The following ANKIB1 variants were observed in gnomAD, a reference collection of about 807,000 sequenced individuals.
ANKIB1 encodes ankyrin repeat and IBR domain-containing protein 1.
A neutral mutation model predicts 122.1 loss-of-function variants in ANKIB1; 43 were observed. The ratio of observed to expected loss-of-function variants is 0.35; its 90% CI spans 0.28 to 0.45. The LOEUF (loss-of-function observed/expected upper bound fraction) is 0.45. Ranked by LOEUF, ANKIB1 falls within the 20% of genes least tolerant of loss-of-function variation. The pLI is 1.00. For synonymous variants in ANKIB1, 390 were observed against 442.0 expected (o/e 0.88, Z 1.48); for missense variants, 992 against 1,329.5 (o/e 0.75, Z 3.95).
chr7:92,359,381 T>A (rs768811073), intron 9 of ANKIB1, among the ~76,000 whole-genome samples: 22 of 152,232 alleles, frequency 1.4e-4, no homozygotes, highest in Admixed American at 2.0e-4. Context: ...TTCATCCACA[T>A]CCCTGCAAAG....
chr7:92,376,774 A>G (rs1304073151), intron 11 of ANKIB1, among the ~76,000 whole-genome samples: 1 of 152,094 alleles, frequency 6.6e-6, no homozygotes, highest in African/African-American at 2.4e-5. Context: ...TATTATGAAG[A>G]TGGCATCTTT....
intron 3 of ANKIB1, among the ~76,000 whole-genome samples, chr7:92,314,452 C>T (rs1255476593): frequency 6.6e-6 from 1 of 152,194 alleles, no homozygotes; most frequent in African/African-American, 2.4e-5. Context: ...AAAGAATCGT[C>T]CTTAGACTGG....
chr7:92,246,787 C>T (rs1029037946), intron 1 of ANKIB1, among the ~76,000 whole-genome samples: 3 of 152,194 alleles, frequency 2.0e-5, no homozygotes, highest in African/African-American at 7.2e-5. Flanking sequence ...CCTTGTCCCT[C>T]TGTCCTCAAA....
chr7:92,327,787 A>G lies in ANKIB1; in HGVS notation c.674A>G (p.Tyr225Cys). The change falls in exon 5 of 20, where the codon TAT becomes TGT. Residue 225 changes from tyrosine (Y) to cysteine (C), a missense_variant. By Grantham distance (194) the Tyr-to-Cys change is radical. Around this residue, in one of 4 missense-constraint regions of ANKIB1, gnomAD observed 521 missense variants for 777.7 expected, o/e 0.67. Transcript: ENST00000265742. ...TTATTTTTTTTCTTTTCAAAGCCATATGAAGGATTAAGGCCTCAGGATCTT... is the reference window on the plus strand; with the variant it reads ...TTATTTTTTTTCTTTTCAAAGCCATGTGAAGGATTAAGGCCTCAGGATCTT... ...EYAALDKREP[Y>C]EGLRPQDLRR... 3 of 1,556,692 alleles carry G rather than the reference A, an allele frequency of 1.9e-6. No homozygotes were observed. Among genetic ancestry groups the G allele is most frequent in the South Asian group, 1.2e-5 (1 of 81,120 alleles).
At chr7:92,319,669 C>T in intron 4 of ANKIB1, 157 bp downstream of exon 4, 2 of 745,818 alleles carry the variant, frequency 2.7e-6, no homozygotes, top group South Asian at 4.3e-5. Flanking sequence ...AAAAATACAT[C>T]TAGGCCAACC....
intron 1 of ANKIB1, among the ~76,000 whole-genome samples, chr7:92,264,533 G>A (rs747522671): frequency 1.3e-4 from 19 of 151,978 alleles, no homozygotes; most frequent in Non-Finnish European, 2.5e-4. Flanking sequence ...GAGTAGGTGG[G>A]ACTATAGGTG....
intron 18 of ANKIB1, among the ~76,000 whole-genome samples, chr7:92,396,983 A>G (rs1040787013): frequency 1.3e-5 from 2 of 152,216 alleles, no homozygotes; most frequent in African/African-American, 4.8e-5. Context: ...CAACTTTTAA[A>G]TGTTAAATTA....
At chr7:92,343,383 A>G (rs1219596937) in intron 6 of ANKIB1, among the ~76,000 whole-genome samples, 151 bp downstream of exon 6, 1 of 152,212 alleles carries the variant, frequency 6.6e-6, no homozygotes, top group African/African-American at 2.4e-5. Context: ...TCCATGCTTC[A>G]GTAAATATTT....
rs144484895 is a variant in ANKIB1 at position 92,390,016 on chromosome 7, A to G, written c.1952A>G (p.His651Arg). The change falls in exon 15 of 20, where the codon CAT becomes CGT. Residue 651 changes from histidine (H) to arginine (R), a missense_variant. By Grantham distance (29) the His-to-Arg change is conservative. Transcript: ENST00000265742. ...PDTTFIEDAV[H>R]VLLKTRRILK... ...ACCACTTTCATTGAAGATGCAGTTC[A>G]TGTGCTCTTAAAAACTCGGCGCATT... 6.0e-4 allele frequency: 960 copies of G among 1,607,276 alleles called. 12 individuals carry two copies. The East Asian group carries it at 0.021, about 35-fold the overall frequency.
rs768580724 is a variant in ANKIB1, at chr7:92,371,499, C to T, written c.1509C>T (p.Tyr503=). ...AAGTTGTGGGAGTTAGTGAAGCCTACGAGGATGCCGCCAATTGTCTCTGGT... is the reference window on the plus strand; with the variant it reads ...AAGTTGTGGGAGTTAGTGAAGCCTATGAGGATGCCGCCAATTGTCTCTGGT... The part of the protein sequence containing the change: ...PEELVGVSEA[Y]EDAANCLWLL... The change falls in exon 11 of 20, where the codon TAC becomes TAT. Residue 503 remains tyrosine (Y), a synonymous_variant. Transcript: ENST00000265742. The T allele has an allele frequency of 2.7e-5, 44 of 1,606,144 alleles. No individual in the cohort carries two copies. The highest frequency in any genetic ancestry group is 3.6e-5 in the Non-Finnish European group (42 of 1,176,024).
chr7:92,381,432 A>T (rs182630207), intron 11 of ANKIB1, among the ~76,000 whole-genome samples: 1 of 152,208 alleles, frequency 6.6e-6, no homozygotes, highest in African/African-American at 2.4e-5. Context: ...CCCAAGGCAC[A>T]TAATTGTCAG....
chr7:92,337,647 T>C (rs1803316377), intron 5 of ANKIB1, among the ~76,000 whole-genome samples: 1 of 152,216 alleles, frequency 6.6e-6, no homozygotes, highest in African/African-American at 2.4e-5. Context: ...CCACATCAAC[T>C]TAACTTTCAG....
In ANKIB1 at chr7:92,390,059, A is replaced by G. The variant is rs1804754647; in HGVS notation, c.1995A>G (p.Pro665=). Residue 665 remains proline (P), a synonymous_variant, in exon 15 of 20, where the codon CCA becomes CCG. Coordinates refer to ENST00000265742, the MANE Select transcript of ANKIB1 (RefSeq NM_019004.2). ...GGCGCATTCTCAAGTGTTCTTATCCATATGGATTTTTCTTGGAACCTAAAA... is the reference window on the plus strand; with the variant it reads ...GGCGCATTCTCAAGTGTTCTTATCCGTATGGATTTTTCTTGGAACCTAAAA... ...KTRRILKCSY[P]YGFFLEPKST... is the part of the protein sequence containing the mutation. 1.9e-6 allele frequency: 3 copies of G among 1,599,394 alleles called. No individual in the cohort carries two copies. The highest frequency in any genetic ancestry group is 2.7e-5 in the African/African-American group (2 of 74,152).
Position 92,333,052 on chromosome 7 carries a change from G to A in ANKIB1, c.787+5152G>A, listed in dbSNP as rs180787695. ...ACTTCGACATTTCCTCTCCCATCCT[G>A]TCATCACTTAATTGTCAGTTTCACC... On this transcript the variant is annotated intron_variant, in intron 5 of 19. Transcript: ENST00000265742. Among the ~76,000 whole-genome samples the A allele has an allele frequency of 1.6e-3, 243 of 152,210 alleles. 3 individuals carry two copies. The highest frequency in any genetic ancestry group is 0.015 in the Admixed American group (223 of 15,296).
chr7:92,269,764 A>G (rs1292068439), intron 1 of ANKIB1, among the ~76,000 whole-genome samples: 1 of 151,890 alleles, frequency 6.6e-6, no homozygotes, highest in African/African-American at 2.4e-5. Flanking sequence ...TATCTCTTCT[A>G]TAACTATCCG....
intron 2 of ANKIB1, among the ~76,000 whole-genome samples, chr7:92,300,383 G>A (rs1802436622): frequency 6.6e-6 from 1 of 151,926 alleles, no homozygotes; most frequent in Non-Finnish European, 1.5e-5. Context: ...TGGTTTGAAG[G>A]ACAATGGCTC....
At chr7:92,304,666 T>G (rs906377242) in intron 2 of ANKIB1, among the ~76,000 whole-genome samples, 1 of 152,096 alleles carries the variant, frequency 6.6e-6, no homozygotes, top group African/African-American at 2.4e-5. Context: ...TTTAAGAAAA[T>G]GAAATCTTTT....
chr7:92,324,640 A>G lies in ANKIB1; in HGVS notation c.670-3143A>G, dbSNP rs530987580. On this transcript the variant is annotated intron_variant, in intron 4 of 19. Coordinates refer to ENST00000265742, the MANE Select transcript of ANKIB1 (RefSeq NM_019004.2). ...TTATTTTGCCTATGCTGGTGATTTT[A>G]CATGGCCTGCTGTGTGATTATATTA... 6.6e-5 allele frequency among the ~76,000 whole-genome samples: 10 copies of G among 152,340 alleles called. No individual in the cohort carries two copies. The South Asian group carries it at 2.1e-3, about 32-fold the overall frequency.
chr7:92,331,721 C>A (rs1325040048), intron 5 of ANKIB1, among the ~76,000 whole-genome samples: 1 of 152,118 alleles, frequency 6.6e-6, no homozygotes, highest in Non-Finnish European at 1.5e-5. Context: ...CACTCCTGTA[C>A]GTATTTCATT....
Sources: allele counts gnomAD v4.1 joint callset (sites outside exome capture counted in the v4.1 genomes callset), GRCh38; gene constraint gnomAD v4.1.1; regional missense constraint gnomAD v4.1.1; transcripts MANE v1.5; gene names NCBI Gene and HGNC (gene_info 2026-07-23, HGNC 2026-07-21).